TENM3: variants seen among roughly 807,000 people sequenced by gnomAD.
The protein encoded by TENM3 is teneurin transmembrane protein 3.
In TENM3, 63 loss-of-function variants were observed where a neutral mutation model predicts 255.1. The ratio of observed to expected loss-of-function variants is 0.25; its 90% CI spans 0.20 to 0.30. TENM3 has a LOEUF of 0.30. Ranked by LOEUF, TENM3 falls within the 10% of genes least tolerant of loss-of-function variation. TENM3 has a pLI of 1.00. For synonymous variants in TENM3, 1,306 were observed against 1,322.3 expected (o/e 0.99, Z 0.27); for missense variants, 2,929 against 3,461.1 (o/e 0.85, Z 3.86).
chr4:182,287,471 A>G (rs541368881), intron 1 of TENM3, among the ~76,000 whole-genome samples: 19 of 152,262 alleles, frequency 1.2e-4, no homozygotes, highest in South Asian at 8.3e-4. Flanking sequence ...TTCCGTTCCT[A>G]AGGAATGAAT....
chr4:182,343,342 T>C (rs1261280767), intron 2 of TENM3, among the ~76,000 whole-genome samples: 1 of 152,216 alleles, frequency 6.6e-6, no homozygotes, highest in Non-Finnish European at 1.5e-5. Flanking sequence ...GTACAGGAGA[T>C]AAATACTTAT....
rs140378247 is a variant in TENM3, at chr4:182,434,117, T to TA, written c.511+87200dup. Among the ~76,000 whole-genome samples the TA allele has an allele frequency of 3.6e-3, 533 of 146,422 alleles. 1 individual carries two copies. The highest frequency in any genetic ancestry group is 0.01 in the African/African-American group (415 of 39,982). ...TGACAGAACAAGAGGCTGCCTCCAT[T>TA]AAAAAAAAAAAAGGTAGAGTAGTTT... On this transcript the variant is annotated intron_variant, in intron 3 of 27. Coordinates refer to ENST00000511685, the MANE Select transcript of TENM3 (RefSeq NM_001080477.4).
At chr4:182,357,721 A>T (rs1414130091) in intron 3 of TENM3, among the ~76,000 whole-genome samples, 1 of 150,102 alleles carries the variant, frequency 6.7e-6, no homozygotes, top group African/African-American at 2.4e-5. Flanking sequence ...CTTTAGTTTA[A>T]TTAGATCCCA....
intron 24 of TENM3, among the ~76,000 whole-genome samples, chr4:182,783,132 T>TGCAG (rs1765320065): frequency 6.6e-6 from 1 of 152,120 alleles, no homozygotes; most frequent in African/African-American, 2.4e-5. Flanking sequence ...CGTTAGTTGA[T>TGCAG]GCAGTTTCTT....
At chr4:182,112,392 G>T in the TENM3 span, among the ~76,000 whole-genome samples, 1 of 152,124 alleles carries the variant, frequency 6.6e-6, no homozygotes, top group Admixed American at 6.5e-5. Context: ...CTCATTTGAT[G>T]AGGTTCTTCA....
chr4:182,235,617 A>T (rs1472923151), intron 1 of TENM3, among the ~76,000 whole-genome samples: 5 of 152,020 alleles, frequency 3.3e-5, no homozygotes, highest in African/African-American at 1.2e-4. Flanking sequence ...CTACACACAT[A>T]CACACGGGAG....
At chr4:182,338,816 A>C (rs1451338494) in intron 2 of TENM3, among the ~76,000 whole-genome samples, 2 of 152,138 alleles carry the variant, frequency 1.3e-5, no homozygotes, top group Non-Finnish European at 2.9e-5. Context: ...TCTATTAACC[A>C]TTCAGACATG....
intron 13 of TENM3, among the ~76,000 whole-genome samples, chr4:182,724,273 G>T (rs964044237): frequency 6.6e-6 from 1 of 152,186 alleles, no homozygotes; most frequent in East Asian, 1.9e-4. Flanking sequence ...TTTTTGAGAA[G>T]CTATTCCACA....
At chr4:182,012,081 G>A in the TENM3 span, among the ~76,000 whole-genome samples, 1 of 152,296 alleles carries the variant, frequency 6.6e-6, no homozygotes, top group African/African-American at 2.4e-5. Flanking sequence ...CAGCCTTCAT[G>A]TCAGCCAATT....
the TENM3 span, among the ~76,000 whole-genome samples, chr4:181,953,637 G>A: frequency 4.2e-3 from 642 of 151,864 alleles, 7 homozygotes; most frequent in African/African-American, 0.014. Flanking sequence ...CCAAGATTGC[G>A]CCACTGCACT....
the TENM3 span, among the ~76,000 whole-genome samples, chr4:181,497,145 T>C: frequency 2.6e-5 from 4 of 152,270 alleles, no homozygotes; most frequent in African/African-American, 9.6e-5. Context: ...ATCCCATAGA[T>C]AGACATATGC....
intron 1 of TENM3, among the ~76,000 whole-genome samples, chr4:182,280,253 G>A (rs1458433134): frequency 6.6e-6 from 1 of 152,094 alleles, no homozygotes; most frequent in Admixed American, 6.6e-5. Flanking sequence ...GCTCCCAGAG[G>A]TTTTCCTTTT....
At chr4:182,347,053 G>A in intron 3 of TENM3, 124 bp downstream of exon 3, 1 of 886,720 alleles carries the variant, frequency 1.1e-6, no homozygotes, top group East Asian at 2.7e-5. Flanking sequence ...TCTCTTTCTT[G>A]TCCATTTCTT....
chr4:181,984,572 GA>G, the TENM3 span, among the ~76,000 whole-genome samples: 19 of 149,632 alleles, frequency 1.3e-4, no homozygotes, highest in African/African-American at 3.9e-4. Context: ...TTGTGTGTTT[GA>G]AAAAAAAAGC....
the TENM3 span, among the ~76,000 whole-genome samples, chr4:181,710,857 A>G: frequency 6.6e-6 from 1 of 150,978 alleles, no homozygotes; most frequent in South Asian, 2.1e-4. Flanking sequence ...CCGAGACTCC[A>G]TCTCAAAAAA....
At chr4:181,983,241 A>C in the TENM3 span, among the ~76,000 whole-genome samples, 126 of 152,272 alleles carry the variant, frequency 8.3e-4, 3 homozygotes, top group South Asian at 0.025. Context: ...TGCATGTTAC[A>C]TGCCCAGCAC....
At chr4:181,542,365 T>C in the TENM3 span, among the ~76,000 whole-genome samples, 590 of 152,224 alleles carry the variant, frequency 3.9e-3, 6 homozygotes, top group African/African-American at 0.014. Context: ...CCAGCCATGA[T>C]AGAAAGTTTG....
chr4:181,547,517 G>A, the TENM3 span, among the ~76,000 whole-genome samples: 1 of 152,000 alleles, frequency 6.6e-6, no homozygotes, highest in African/African-American at 2.4e-5. Flanking sequence ...TTTTAAACAT[G>A]TACAAAAACA....
intron 3 of TENM3, among the ~76,000 whole-genome samples, chr4:182,432,782 G>A (rs1405519448): frequency 1.3e-5 from 2 of 150,616 alleles, no homozygotes; most frequent in East Asian, 2.0e-4. Flanking sequence ...AAGGAGCTTG[G>A]ATGTTATCCC....
Sources: gnomAD v4.1 joint callset for allele counts (sites outside exome capture counted in the v4.1 genomes callset) on GRCh38, gnomAD v4.1.1 for gene constraint, MANE v1.5 for transcripts, NCBI Gene and HGNC (gene_info 2026-07-23, HGNC 2026-07-21) for gene names.